The following LRRTM3 variants were observed in gnomAD, a reference collection of about 807,000 sequenced individuals.
LRRTM3 encodes leucine rich repeat transmembrane neuronal 3, also known as leucine-rich repeat transmembrane neuronal protein 3.
Under a neutral mutation model 44.7 loss-of-function variants are expected in LRRTM3, and 24 were observed. The ratio of observed to expected loss-of-function variants is 0.54; its 90% CI spans 0.39 to 0.76. LRRTM3 has a LOEUF of 0.76. Ranked by LOEUF, LRRTM3 falls within the 30% of genes least tolerant of loss-of-function variation. LRRTM3 has a pLI of 0.00. For synonymous variants in LRRTM3, 277 were observed against 278.7 expected (o/e 0.99, Z 0.06); for missense variants, 587 against 702.2 (o/e 0.84, Z 1.85).
At chr10:66,945,835 C>A (rs1848242709) in intron 2 of LRRTM3, among the ~76,000 whole-genome samples, 1 of 151,952 alleles carries the variant, frequency 6.6e-6, no homozygotes, top group South Asian at 2.1e-4. Flanking sequence ...AATAGGGAGG[C>A]CCACAGTAAG....
chr10:67,011,779 A>G (rs1852355985), intron 2 of LRRTM3, among the ~76,000 whole-genome samples: 1 of 152,174 alleles, frequency 6.6e-6, no homozygotes, highest in African/African-American at 2.4e-5. Context: ...TATTATCATC[A>G]ACCATACATA....
chr10:67,072,556 C>T (rs1351771618), intron 2 of LRRTM3, among the ~76,000 whole-genome samples: 2 of 152,154 alleles, frequency 1.3e-5, no homozygotes, highest in Non-Finnish European at 2.9e-5. Flanking sequence ...AGAGGCTGGA[C>T]GTCTCAAGCC....
chr10:67,016,185 T>C (rs554595616), intron 2 of LRRTM3, among the ~76,000 whole-genome samples: 4 of 152,170 alleles, frequency 2.6e-5, no homozygotes, highest in Non-Finnish European at 5.9e-5. Flanking sequence ...CTGTTCCCTT[T>C]CTGATCGCTA....
In LRRTM3 at chr10:67,034,676, C is replaced by T. The variant is rs868298561; in HGVS notation, c.1537-62911C>T. On this transcript the variant is annotated intron_variant, in intron 2 of 2. Transcript: ENST00000361320. ...CTCCTTACACCTAATCTTTCTCAAA[C>T]GAACTTATTTAACCACATCACCACC... 3.2e-4 allele frequency among the ~76,000 whole-genome samples: 49 copies of T among 152,272 alleles called. 1 individual carries two copies. Among genetic ancestry groups the T allele is most frequent in the Middle Eastern group, 6.8e-3 (2 of 294 alleles).
intron 2 of LRRTM3, among the ~76,000 whole-genome samples, chr10:66,969,945 A>T (rs1307082486): frequency 6.6e-6 from 1 of 152,132 alleles, no homozygotes; most frequent in Non-Finnish European, 1.5e-5. Flanking sequence ...CTACATGAAC[A>T]TGAGAGTAAC....
chr10:66,982,399 TCA>T (rs1564811065), intron 2 of LRRTM3, among the ~76,000 whole-genome samples: 1 of 152,148 alleles, frequency 6.6e-6, no homozygotes, highest in Non-Finnish European at 1.5e-5. Flanking sequence ...TCTCTAAATC[TCA>T]GTTTTTTCAC....
intron 2 of LRRTM3, among the ~76,000 whole-genome samples, chr10:67,026,099 G>T (rs1015152112): frequency 2.0e-5 from 3 of 146,370 alleles, no homozygotes; most frequent in African/African-American, 7.6e-5. Flanking sequence ...CACACTCTGG[G>T]GACTGTTGTG....
At chr10:67,082,794 G>T (rs1421756413) in intron 2 of LRRTM3, among the ~76,000 whole-genome samples, 2 of 152,218 alleles carry the variant, frequency 1.3e-5, no homozygotes, top group Non-Finnish European at 2.9e-5. Context: ...CTAAGGATTA[G>T]ATATCAGTCA....
intron 2 of LRRTM3, among the ~76,000 whole-genome samples, chr10:67,096,957 G>A (rs1026007189): frequency 2.0e-5 from 3 of 151,882 alleles, no homozygotes; most frequent in African/African-American, 7.3e-5. Flanking sequence ...ATATTAAGAA[G>A]TCATGGGTAA....
At chr10:66,966,895 C>G (rs187177167) in intron 2 of LRRTM3, among the ~76,000 whole-genome samples, 1 of 152,124 alleles carries the variant, frequency 6.6e-6, no homozygotes, top group East Asian at 1.9e-4. Context: ...CCCATACTTT[C>G]CTGAATTCAT....
chr10:66,980,318 A>G (rs1213653734), intron 2 of LRRTM3, among the ~76,000 whole-genome samples: 1 of 152,174 alleles, frequency 6.6e-6, no homozygotes, highest in African/African-American at 2.4e-5. Flanking sequence ...TTCTTTCAGC[A>G]GCCAAACACT....
At chr10:67,029,432 G>T (rs1263528434) in intron 2 of LRRTM3, among the ~76,000 whole-genome samples, 1 of 152,124 alleles carries the variant, frequency 6.6e-6, no homozygotes, top group Non-Finnish European at 1.5e-5. Context: ...TGGCATTTGG[G>T]CATGGTTGAG....
chr10:67,079,107 C>T (rs556839937), intron 2 of LRRTM3, among the ~76,000 whole-genome samples: 15 of 152,244 alleles, frequency 9.9e-5, no homozygotes, highest in African/African-American at 3.4e-4. Context: ...AGGAATAATC[C>T]ATATTTATAA....
intron 2 of LRRTM3, among the ~76,000 whole-genome samples, chr10:67,036,747 CT>C (rs1454259768): frequency 1.3e-5 from 2 of 152,024 alleles, no homozygotes; most frequent in Non-Finnish European, 2.9e-5. Context: ...TAAATATTAT[CT>C]TTTTTCAATT....
chr10:67,041,490 G>A (rs1278100149), intron 2 of LRRTM3, among the ~76,000 whole-genome samples: 1 of 152,076 alleles, frequency 6.6e-6, no homozygotes, highest in South Asian at 2.1e-4. Flanking sequence ...TATTCCTAAA[G>A]CTTTCTTCCA....
At chr10:66,998,696 G>T (rs1015496763) in intron 2 of LRRTM3, among the ~76,000 whole-genome samples, 1 of 152,080 alleles carries the variant, frequency 6.6e-6, no homozygotes, top group African/African-American at 2.4e-5. Flanking sequence ...AAATAACATT[G>T]TCCAGAATAT....
intron 2 of LRRTM3, among the ~76,000 whole-genome samples, chr10:67,020,089 G>A (rs561954221): frequency 2.9e-4 from 44 of 152,212 alleles, no homozygotes; most frequent in Non-Finnish European, 4.7e-4. Flanking sequence ...TTGCAGCACA[G>A]TCCCAAATCG....
chr10:66,966,171 A>G (rs1849399938), intron 2 of LRRTM3, among the ~76,000 whole-genome samples: 1 of 152,202 alleles, frequency 6.6e-6, no homozygotes. Context: ...GAAGACCTCA[A>G]TAAATGTTAC....
intron 2 of LRRTM3, among the ~76,000 whole-genome samples, chr10:66,977,014 A>G (rs1199093990): frequency 2.6e-5 from 4 of 152,208 alleles, no homozygotes; most frequent in African/African-American, 9.7e-5. Context: ...ATATCTACAA[A>G]TGCTTCCAGG....
Sources: gnomAD v4.1 joint callset for allele counts (sites outside exome capture counted in the v4.1 genomes callset) on GRCh38, gnomAD v4.1.1 for gene constraint, MANE v1.5 for transcripts, NCBI Gene and HGNC (gene_info 2026-07-23, HGNC 2026-07-21) for gene names.